Variants in PDE8B observed in about 807,000 individuals in gnomAD.
PDE8B encodes the protein high affinity cAMP-specific and IBMX-insensitive 3',5'-cyclic phosphodiesterase 8B.
In PDE8B, 26 loss-of-function variants were observed where a neutral mutation model predicts 101.3. That is an observed-to-expected ratio of 0.26 (90% CI 0.19 to 0.36). PDE8B has a LOEUF of 0.36. PDE8B is among the 10% of genes least tolerant of loss of function. The probability of loss-of-function intolerance (pLI) is 1.00; values close to 1 mark genes in which losing one functional copy is unlikely to be tolerated. For missense variants in PDE8B, 810 were observed against 1,163.1 expected (o/e 0.70, Z 4.42); for synonymous variants, 424 against 429.3 (o/e 0.99, Z 0.15).
chr5:77,210,940 C>T lies in PDE8B; in HGVS notation c.15C>T (p.Pro5=), dbSNP rs749188579. The change falls in exon 1 of 22, where the codon CCC becomes CCT. Residue 5 remains proline, a synonymous_variant. Transcript: ENST00000264917. This position sits in a 1 kb window ranked among gnomAD's most constrained non-coding sequence, Gnocchi z 4.9. The part of the protein sequence containing the change: MGCA[P]SIHVSQSGVI... ...CCGGCCGAGGGATGGGCTGCGCCCC[C>T]AGCATCCATGTCTCGCAGAGCGGCG... The T allele has an allele frequency of 1.3e-6, 2 of 1,499,474 alleles. No individual in the cohort carries two copies. The highest frequency in any genetic ancestry group is 2.9e-5 in the African/African-American group (2 of 69,510). The allele number at this position is 1,499,474 out of a possible 1,614,324, so 92.9% of individuals were successfully genotyped here.
chr5:77,381,658 TAA>T (rs2150802567), intron 10 of PDE8B, among the ~76,000 whole-genome samples: 2 of 152,284 alleles, frequency 1.3e-5, no homozygotes, highest in East Asian at 3.9e-4. Context: ...CACATCATAC[TAA>T]GAGGGATGTT....
chr5:77,426,113 G>C, intron 21 of PDE8B: 1 of 616,420 alleles, frequency 1.6e-6, no homozygotes, highest in Non-Finnish European at 2.9e-6. Flanking sequence ...TTTGATAGCT[G>C]GATAAACGAG....
intron 1 of PDE8B, among the ~76,000 whole-genome samples, chr5:77,221,419 C>G (rs1320708092): frequency 6.6e-6 from 1 of 152,066 alleles, no homozygotes; most frequent in African/African-American, 2.4e-5. Context: ...TGCTAGAAAC[C>G]GTAGTTTGAT....
At chr5:77,355,686 T>A (rs1781974508) in intron 10 of PDE8B, among the ~76,000 whole-genome samples, 1 of 152,190 alleles carries the variant, frequency 6.6e-6, no homozygotes, top group Non-Finnish European at 1.5e-5. Flanking sequence ...TCTCCCCAAA[T>A]ATGTGTTAAA....
At chr5:77,108,458 C>T in the PDE8B span, among the ~76,000 whole-genome samples, 52 of 152,244 alleles carry the variant, frequency 3.4e-4, no homozygotes, top group South Asian at 7.7e-3. Flanking sequence ...CCGAAGCAGG[C>T]AGATCACTTA....
the PDE8B span, among the ~76,000 whole-genome samples, chr5:77,169,950 C>A: frequency 1.3e-5 from 2 of 152,176 alleles, no homozygotes; most frequent in Non-Finnish European, 2.9e-5. Flanking sequence ...AAACACGGCT[C>A]TATCTCAAGT....
chr5:77,118,028 A>G, the PDE8B span, among the ~76,000 whole-genome samples: 117,871 of 152,020 alleles, frequency 0.78, 46,496 homozygotes, highest in African/African-American at 0.93. Context: ...TCCGCCTCCC[A>G]GGTTCAAGCA....
At chr5:77,192,772 A>T in the PDE8B span, among the ~76,000 whole-genome samples, 3 of 152,302 alleles carry the variant, frequency 2.0e-5, no homozygotes, top group East Asian at 3.9e-4. Context: ...TCCTTAAAAG[A>T]GATTGTAGTA....
chr5:77,190,549 T>A, the PDE8B span, among the ~76,000 whole-genome samples: 575 of 152,318 alleles, frequency 3.8e-3, 4 homozygotes, highest in African/African-American at 0.013. Context: ...TGAGGCTCAA[T>A]GAGAAGCCAA....
chr5:77,153,386 T>A, the PDE8B span, among the ~76,000 whole-genome samples: 1 of 152,220 alleles, frequency 6.6e-6, no homozygotes, highest in African/African-American at 2.4e-5. Context: ...ATTTGTGCAA[T>A]GAATGAATGT....
In PDE8B at chr5:77,427,486, T is replaced by G. The variant is rs992094019; in HGVS notation, c.*932T>G. On this transcript the variant is annotated 3_prime_UTR_variant, in exon 22 of 22. Transcript: ENST00000264917. Reference sequence around the variant, plus strand: ...CTGGGTGTAAGCCCATGCAGTATGTTGTGCCATGCACCATCTATACGTAAT... The same window carrying G: ...CTGGGTGTAAGCCCATGCAGTATGTGGTGCCATGCACCATCTATACGTAAT... 6.6e-6 allele frequency: 1 copy of G among 152,300 alleles called. No homozygotes were observed. 9.4% of individuals were successfully genotyped at this position (152,300 alleles called of 1,614,324 possible). A position where few individuals can be genotyped will look rare whatever the true frequency, so the allele number is the denominator to read the frequency against.
intron 1 of PDE8B, among the ~76,000 whole-genome samples, chr5:77,247,610 C>T (rs1757232263): frequency 6.6e-6 from 1 of 152,120 alleles, no homozygotes; most frequent in Admixed American, 6.5e-5. Context: ...TGGGGCTCTG[C>T]ACACATCACC....
At chr5:77,134,585 G>A in the PDE8B span, 3 of 152,262 alleles carry the variant, frequency 2.0e-5, no homozygotes, top group Non-Finnish European at 4.4e-5. Context: ...AGCAGAAAGA[G>A]GTGAGGCTGC....
rs377714250 is a variant in PDE8B at position 77,322,202 on chromosome 5, AGGT to A, written c.400-3327_400-3325del. Among the ~76,000 whole-genome samples the A allele has an allele frequency of 7.1e-3, 1,078 of 152,150 alleles. 17 individuals are homozygous for A. Among genetic ancestry groups the A allele is most frequent in the African/African-American group, 0.024 (1,015 of 41,500 alleles). On this transcript the variant is annotated intron_variant, in intron 2 of 21. Transcript: ENST00000264917. ...TTGTGGCCTGGAGTGTAAGAGCCAA[AGGT>A]GGTGGTGGTTGGGGAATGGGCTCTG...
At chr5:77,123,464 C>A in the PDE8B span, among the ~76,000 whole-genome samples, 1 of 150,904 alleles carries the variant, frequency 6.6e-6, no homozygotes, top group Non-Finnish European at 1.5e-5. Flanking sequence ...GGAGAGCTCT[C>A]AAGAAATCTT....
the PDE8B span, among the ~76,000 whole-genome samples, chr5:77,181,936 T>A: frequency 1.5e-4 from 23 of 152,186 alleles, 1 homozygote; most frequent in African/African-American, 5.1e-4. Context: ...CCAGTTCTAC[T>A]TGACTGCCCT....
intron 1 of PDE8B, among the ~76,000 whole-genome samples, chr5:77,241,497 A>G (rs563800577): frequency 6.6e-6 from 1 of 152,334 alleles, no homozygotes; most frequent in Non-Finnish European, 1.5e-5. Flanking sequence ...CACCACATGA[A>G]GAGCATGATG....
intron 17 of PDE8B, among the ~76,000 whole-genome samples, chr5:77,416,315 A>G (rs796572828): frequency 1.4e-4 from 22 of 152,320 alleles, no homozygotes; most frequent in African/African-American, 4.6e-4. Flanking sequence ...TGAGACTCCA[A>G]GCAGGATTGA....
intron 1 of PDE8B, among the ~76,000 whole-genome samples, chr5:77,274,030 C>T (rs1240147816): frequency 6.6e-6 from 1 of 152,064 alleles, no homozygotes; most frequent in African/African-American, 2.4e-5. Flanking sequence ...CCATGTTGGT[C>T]AGGCTGGTCT....
Sources: allele counts gnomAD v4.1 joint callset (sites outside exome capture counted in the v4.1 genomes callset), GRCh38; gene constraint gnomAD v4.1.1; non-coding constraint Gnocchi (gnomAD v3.1); transcripts MANE v1.5; gene names NCBI Gene and HGNC (gene_info 2026-07-23, HGNC 2026-07-21).